TAF1: variants seen among roughly 807,000 people sequenced by gnomAD.
TAF1 encodes the protein TATA-box binding protein associated factor 1, also known as transcription initiation factor TFIID subunit 1.
Under a neutral mutation model 138.5 loss-of-function variants are expected in TAF1, and 2 were observed. The ratio of observed to expected loss-of-function variants is 0.01; its 90% CI spans 0.01 to 0.05. The LOEUF (loss-of-function observed/expected upper bound fraction) is 0.05, where lower values mean the gene tolerates loss of function less well. Ranked by LOEUF, TAF1 falls within the 10% of genes least tolerant of loss-of-function variation. The pLI, the probability that TAF1 is intolerant of heterozygous loss-of-function variation, is 1.00. For synonymous variants in TAF1, 437 were observed against 503.2 expected, an observed-to-expected ratio of 0.87 and a Z score of 1.76; for missense variants, 709 against 1,478.0, an observed-to-expected ratio of 0.48 and a Z score of 8.53.
At chrX:71,378,575 G>A (rs2033646569) in intron 7 of TAF1, 122 bp downstream of exon 7, 1 of 864,679 alleles carries the variant, frequency 1.2e-6, no homozygotes, top group Non-Finnish European at 1.6e-6. Context: ...AGATTGAGGT[G>A]TCTCAGCCTT....
chrX:71,433,370 A>G (rs1006710730), intron 32 of TAF1, among the ~76,000 whole-genome samples: 1 of 111,929 alleles, frequency 8.9e-6, no homozygotes, highest in Admixed American at 9.5e-5. Context: ...TTTGTGAATG[A>G]GAATCAGTTA....
intron 13 of TAF1, among the ~76,000 whole-genome samples, chrX:71,518,453 G>A (rs1392057669): frequency 9.0e-6 from 1 of 111,448 alleles, no homozygotes; most frequent in Non-Finnish European, 1.9e-5. Context: ...TTACAGGCGT[G>A]AGCCACCATG....
intron 28 of TAF1, among the ~76,000 whole-genome samples, chrX:71,408,550 C>T (rs1325877485): frequency 2.7e-5 from 3 of 111,214 alleles, no homozygotes; most frequent in Non-Finnish European, 5.7e-5. Context: ...CTCCTGACTT[C>T]GTCATCCACC....
chrX:71,433,607 CT>C (rs1249882163), intron 32 of TAF1, among the ~76,000 whole-genome samples: 39 of 111,197 alleles, frequency 3.5e-4, no homozygotes, highest in African/African-American at 1.2e-3. Context: ...AAAATCTGGA[CT>C]TTTTATGTGA....
chrX:71,387,569 T>G, intron 15 of TAF1, 108 bp downstream of exon 15: 1 of 900,384 alleles, frequency 1.1e-6, no homozygotes. Context: ...GAGGCCGCGG[T>G]GAATGGATCA....
chrX:71,382,977 A>G lies in TAF1; in HGVS notation c.1774-14A>G, dbSNP rs1432766047. The stretch of plus-strand genomic sequence containing the variant: ...GGAATTAGCTAATTTTAACCCTTCT[A>G]TTTCCTGTTTTAGCATTCAATTCCT... On this transcript the variant is annotated splice_polypyrimidine_tract_variant and intron_variant, in intron 11 of 37. Transcript: ENST00000423759. 6 of 1,199,879 alleles carry G rather than the reference A, an allele frequency of 5.0e-6. No individual in the cohort carries two copies. The highest frequency in any genetic ancestry group is 5.6e-6 in the Non-Finnish European group (5 of 890,992).
At chrX:71,415,144 T>TG in intron 28 of TAF1, among the ~76,000 whole-genome samples, 1 of 73,232 alleles carries the variant, frequency 1.4e-5, no homozygotes, top group African/African-American at 5.1e-5. Flanking sequence ...TTTTTTTTTT[T>TG]TTTTTTTTTT....
At chrX:71,487,363 A>T (rs1164361384) in intron 13 of TAF1, among the ~76,000 whole-genome samples, 1 of 85,492 alleles carries the variant, frequency 1.2e-5, no homozygotes, top group African/African-American at 4.8e-5. Context: ...CGCTCTTGTC[A>T]CCTAGGCTGG....
At chrX:71,397,845 G>C (rs1444056201) in intron 23 of TAF1, among the ~76,000 whole-genome samples, 1 of 111,256 alleles carries the variant, frequency 9.0e-6, no homozygotes, top group East Asian at 2.8e-4. Flanking sequence ...GGTGATTGGG[G>C]TGGGTGCTTG....
chrX:71,464,610 G>A lies in TAF1; in HGVS notation c.*564G>A, dbSNP rs763735699. On this transcript the variant is annotated 3_prime_UTR_variant, in exon 38 of 38. Coordinates refer to ENST00000423759, the MANE Select transcript of TAF1 (RefSeq NM_004606.5). Reference sequence around the variant, plus strand: ...AATCCTAGCTACTCGGGAGGCTGAGGCAGGAGAATTACTTGAACCCGGGAG... The same window carrying A: ...AATCCTAGCTACTCGGGAGGCTGAGACAGGAGAATTACTTGAACCCGGGAG... 63 of 179,199 alleles carry A rather than the reference G, an allele frequency of 3.5e-4. No homozygotes were observed. Among genetic ancestry groups the A allele is most frequent in the Non-Finnish European group, 3.5e-4 (34 of 97,384 alleles). 14.8% of individuals were successfully genotyped at this position (179,199 alleles called of 1,213,427 possible).
chrX:71,425,725 C>CA (rs1316169906), intron 32 of TAF1, among the ~76,000 whole-genome samples: 4 of 110,858 alleles, frequency 3.6e-5, no homozygotes, highest in Non-Finnish European at 7.5e-5. Flanking sequence ...CAGACGAGAG[C>CA]AAGGAATAAC....
intron 24 of TAF1, 26 bp from the exon 25 acceptor site, chrX:71,401,502 C>A (rs369252346): frequency 8.3e-7 from 1 of 1,207,356 alleles, no homozygotes; most frequent in East Asian, 3.0e-5. Context: ...TTACCTCTGA[C>A]GTGTTTGATA....
At chrX:71,441,771 A>G in intron 32 of TAF1, 1 of 211,230 alleles carries the variant, frequency 4.7e-6, no homozygotes, top group South Asian at 5.1e-5. Flanking sequence ...GCATCCATTA[A>G]CTTGTCATTT....
chrX:71,439,311 C>G (rs994229454), intron 32 of TAF1, among the ~76,000 whole-genome samples: 1 of 109,454 alleles, frequency 9.1e-6, no homozygotes, highest in African/African-American at 3.3e-5. Context: ...TTTTTTAATT[C>G]TTCACTTTGA....
At chrX:71,446,107 C>T (rs1325143879) in intron 32 of TAF1, among the ~76,000 whole-genome samples, 2 of 110,591 alleles carry the variant, frequency 1.8e-5, no homozygotes, top group Non-Finnish European at 3.8e-5. Context: ...GATGGGGTTT[C>T]CCCATGTTTC....
intron 14 of TAF1, among the ~76,000 whole-genome samples, chrX:71,385,975 A>G (rs755562291): frequency 9.0e-6 from 1 of 110,856 alleles, no homozygotes; most frequent in African/African-American, 3.3e-5. Context: ...CAGTCTGACC[A>G]ACATGGAGAA....
chrX:71,375,075 C>CA (rs377394790), intron 3 of TAF1, 92 bp from the exon 4 acceptor site: 102,176 of 789,326 alleles, frequency 0.13, 5 homozygotes, highest in Non-Finnish European at 0.14. Context: ...GACTCTGTCT[C>CA]AAAAAAAAAA....
At chrX:71,368,279 A>C in intron 3 of TAF1, 109 bp downstream of exon 3, 1 of 804,495 alleles carries the variant, frequency 1.2e-6, no homozygotes, top group Non-Finnish European at 1.8e-6. Flanking sequence ...TCTGCTCTCT[A>C]TGCCTTTGCT....
intron 13 of TAF1, among the ~76,000 whole-genome samples, chrX:71,505,468 A>G (rs2039604779): frequency 1.8e-5 from 2 of 111,963 alleles, no homozygotes; most frequent in Admixed American, 1.9e-4. Flanking sequence ...GTATCCTATG[A>G]TGTGATGAAA....
Sources: gnomAD v4.1 joint callset for allele counts (sites outside exome capture counted in the v4.1 genomes callset) on GRCh38, gnomAD v4.1.1 for gene constraint, MANE v1.5 for transcripts, NCBI Gene and HGNC (gene_info 2026-07-23, HGNC 2026-07-21) for gene names.